Variants in CPAMD8 observed in about 807,000 individuals in gnomAD.
CPAMD8 encodes C3 and PZP-like alpha-2-macroglobulin domain-containing protein 8.
CPAMD8 carries 146 observed loss-of-function variants against 224.7 expected under a neutral mutation model. The ratio of observed to expected loss-of-function variants is 0.65; its 90% CI spans 0.57 to 0.75. The LOEUF is 0.75. Among genes scored for constraint, CPAMD8 ranks in the 30% least tolerant of loss-of-function variants. CPAMD8 has a pLI of 0.00. For missense variants in CPAMD8, 2,301 were observed against 2,537.5 expected (o/e 0.91, Z 2.00); for synonymous variants, 966 against 1,044.6 (o/e 0.92, Z 1.45).
chr19:16,936,268 G>A (rs1377554415), intron 23 of CPAMD8, among the ~76,000 whole-genome samples: 1 of 151,874 alleles, frequency 6.6e-6, no homozygotes, highest in Non-Finnish European at 1.5e-5. Flanking sequence ...GGTGTGTAGG[G>A]GTATGTCATT....
At chr19:16,944,422 A>G (rs2054004102) in intron 22 of CPAMD8, among the ~76,000 whole-genome samples, 1 of 152,158 alleles carries the variant, frequency 6.6e-6, no homozygotes, top group African/African-American at 2.4e-5. Context: ...CCAGGGAAGG[A>G]GACCCTCAAG....
intron 17 of CPAMD8, among the ~76,000 whole-genome samples, chr19:16,972,596 G>A (rs772444470): frequency 9.2e-5 from 14 of 151,996 alleles, no homozygotes; most frequent in South Asian, 2.1e-4. Flanking sequence ...CACCACGCCC[G>A]GCTAATTTTT....
intron 13 of CPAMD8, 82 bp downstream of exon 13, chr19:16,989,559 TTA>T: frequency 6.6e-7 from 1 of 1,515,730 alleles, no homozygotes; most frequent in Non-Finnish European, 8.9e-7. Context: ...AATGCTGGGA[TTA>T]CAGGCATGAG....
rs1362836032 is a variant in CPAMD8, at chr19:17,011,535, GC to G, written c.434-20del. 6.2e-7 allele frequency: 1 copy of G among 1,613,780 alleles called. No homozygotes were observed. Among genetic ancestry groups the G allele is most frequent in the South Asian group, 1.1e-5 (1 of 91,064 alleles). ...ATGAGCACTAGAAGAAAGAAGAGAG[GC>G]GTGTGACACCTCCAGACCATGGCCG... On this transcript the variant is annotated intron_variant, in intron 4 of 41. Coordinates refer to ENST00000443236, the MANE Select transcript of CPAMD8 (RefSeq NM_015692.5).
Position 16,931,308 on chromosome 19 carries a change from A to T in CPAMD8, c.2846-2068T>A, listed in dbSNP as rs577546131. On this transcript the variant is annotated intron_variant, in intron 23 of 41. Transcript: ENST00000443236. ...GCCATCCAAGGGCCTTGAGACTCCC[A>T]GCCTAGTTCACCACAGCCGGCACCT... 1.1e-4 allele frequency among the ~76,000 whole-genome samples: 17 copies of T among 152,254 alleles called. 1 individual carries two copies. In the South Asian group the frequency reaches 3.3e-3, roughly 30 times the overall value.
At chr19:16,904,100 C>G (rs1568455749) in intron 32 of CPAMD8, 126 bp downstream of exon 32, 9 of 1,127,952 alleles carry the variant, frequency 8.0e-6, no homozygotes, top group Non-Finnish European at 1.1e-5. Flanking sequence ...CAACCCCTGC[C>G]CTCTTTGGGG....
At chr19:16,957,950 A>G (rs1475123506) in intron 18 of CPAMD8, 35 bp from the exon 19 acceptor site, 4 of 1,586,920 alleles carry the variant, frequency 2.5e-6, no homozygotes, top group Non-Finnish European at 3.5e-6. Flanking sequence ...TTAAGGTTTC[A>G]TGAACATAAC....
chr19:17,022,812 A>C (rs1246157315), intron 1 of CPAMD8, among the ~76,000 whole-genome samples: 1 of 151,924 alleles, frequency 6.6e-6, no homozygotes, highest in Non-Finnish European at 1.5e-5. Flanking sequence ...CTGGCCCAGG[A>C]CCTTTGCACA....
chr19:16,912,836 T>C (rs757047045), intron 29 of CPAMD8, among the ~76,000 whole-genome samples: 1 of 151,996 alleles, frequency 6.6e-6, no homozygotes, highest in East Asian at 1.9e-4. Flanking sequence ...AATGAGAAGA[T>C]TGGAAAGCTT....
rs543712506 is a variant in CPAMD8 at position 16,933,346 on chromosome 19, A to C, written c.2846-4106T>G. On this transcript the variant is annotated intron_variant, in intron 23 of 41. Transcript: ENST00000443236. ...TAATAAATTGCACTTAATTAATATA[A>C]AAAAACTTCTGCTTCTCAAAAGATA... Among the ~76,000 whole-genome samples the C allele has an allele frequency of 2.6e-5, 4 of 152,274 alleles. No homozygotes were observed. The South Asian group carries it at 8.3e-4, about 32-fold the overall frequency.
intron 7 of CPAMD8, 94 bp downstream of exon 7, chr19:17,008,411 G>C (rs1027164900): frequency 5.5e-5 from 79 of 1,447,388 alleles, no homozygotes; most frequent in Non-Finnish European, 7.2e-5. Flanking sequence ...AGCAGTGGGG[G>C]TACATTAGCG....
At chr19:16,909,236 G>C (rs2052633570) in intron 29 of CPAMD8, among the ~76,000 whole-genome samples, 1 of 152,150 alleles carries the variant, frequency 6.6e-6, no homozygotes, top group African/African-American at 2.4e-5. Flanking sequence ...CAAATCCAAT[G>C]ACAAATATCT....
chr19:17,007,060 C>G (rs142988679), intron 7 of CPAMD8, among the ~76,000 whole-genome samples: 6 of 152,112 alleles, frequency 3.9e-5, no homozygotes, highest in African/African-American at 1.2e-4. Context: ...AGGCCAGGCA[C>G]GGTGGCTCAT....
rs1302439172 is a variant in CPAMD8 at position 17,022,055 on chromosome 19, C to T, written c.219G>A (p.Val73=). ...CCAGGATGGCTCCCTGGCTCTGCAC[C>T]ACCGGCTCACCCTGGGCCACCAGCT... ...QAQLVAQGEP[V]VQSQGAILDK... The change falls in exon 2 of 42, where the codon GTG becomes GTA. Residue 73 remains valine (V), a synonymous_variant. Transcript: ENST00000443236. The T allele has an allele frequency of 6.2e-6, 10 of 1,605,404 alleles. No homozygotes were observed. Among genetic ancestry groups the T allele is most frequent in the Non-Finnish European group, 8.5e-6 (10 of 1,176,434 alleles).
intron 29 of CPAMD8, among the ~76,000 whole-genome samples, chr19:16,912,105 T>C (rs2052751015): frequency 6.6e-6 from 1 of 152,078 alleles, no homozygotes; most frequent in African/African-American, 2.4e-5. Flanking sequence ...TTATGGTGAG[T>C]TGTATAATTA....
intron 13 of CPAMD8, among the ~76,000 whole-genome samples, chr19:16,987,170 AAAAAAAAAAATATATATAT>A (rs1046927325): frequency 3.8e-5 from 4 of 104,786 alleles, no homozygotes; most frequent in East Asian, 2.7e-4. Context: ...AAAAAAAAAA[AAAAAAAAAAATATATATAT>A]ATATATATAT....
intron 27 of CPAMD8, 48 bp from the exon 28 acceptor site, chr19:16,914,861 C>T (rs1291162886): frequency 5.6e-6 from 8 of 1,419,676 alleles, no homozygotes; most frequent in Non-Finnish European, 7.7e-6. Context: ...ATGGTCAGCC[C>T]CCACATGCTG....
rs1031771749 is a variant in CPAMD8, at chr19:16,899,251, C to G, written c.4848+224G>C. On this transcript the variant is annotated intron_variant, in intron 37 of 41. Coordinates refer to ENST00000443236, the MANE Select transcript of CPAMD8 (RefSeq NM_015692.5). The surrounding 1 kb of genome is among the most constrained non-coding windows in gnomAD (Gnocchi z 5.4). ...TTTATATTTTTTGTAAAGATGGGGTCTCGCCATGTTGCCCAGGCTGGTCTC... is the reference window on the plus strand; with the variant it reads ...TTTATATTTTTTGTAAAGATGGGGTGTCGCCATGTTGCCCAGGCTGGTCTC... Among the ~76,000 whole-genome samples, 13 of 152,142 alleles carry G rather than the reference C, an allele frequency of 8.5e-5. No individual in the cohort carries two copies. The highest frequency in any genetic ancestry group is 6.6e-4 in the Admixed American group (10 of 15,266).
Position 16,997,135 on chromosome 19 carries a change from C to T in CPAMD8, c.1071G>A (p.Lys357=), listed in dbSNP as rs775811889. 1.2e-6 allele frequency: 2 copies of T among 1,608,644 alleles called. No individual in the cohort carries two copies. The highest frequency in any genetic ancestry group is 1.1e-5 in the South Asian group (1 of 90,948). ...RYSKDTRKQF[K]PGLAYVGKVE... is the part of the protein sequence containing the mutation. ...CCTTCCCCACGTAGGCCAGGCCCGG[C>T]TTGAACTGCTTCCTCGTGTCCTTGG... The change falls in exon 11 of 42, where the codon AAG becomes AAA. Residue 357 remains lysine, a synonymous_variant. Transcript: ENST00000443236.
Sources: allele counts gnomAD v4.1 joint callset (sites outside exome capture counted in the v4.1 genomes callset), GRCh38; gene constraint gnomAD v4.1.1; non-coding constraint Gnocchi (gnomAD v3.1); transcripts MANE v1.5; gene names NCBI Gene and HGNC (gene_info 2026-07-23, HGNC 2026-07-21).